ZSWIM5: variants seen among roughly 807,000 people sequenced by gnomAD.
The protein encoded by ZSWIM5 is zinc finger SWIM-type containing 5.
Under a neutral mutation model 119.6 loss-of-function variants are expected in ZSWIM5, and 55 were observed. The ratio of observed to expected loss-of-function variants is 0.46; its 90% CI spans 0.37 to 0.58. ZSWIM5 has a LOEUF of 0.58. Among genes scored for constraint, ZSWIM5 ranks in the 20% least tolerant of loss-of-function variants. The pLI, the probability that ZSWIM5 is intolerant of heterozygous loss-of-function variation, is 0.00. For missense variants in ZSWIM5, 1,193 were observed against 1,512.8 expected, an observed-to-expected ratio of 0.79 and a Z score of 3.51; for synonymous variants, 537 against 606.9, an observed-to-expected ratio of 0.88 and a Z score of 1.69.
intron 2 of ZSWIM5, among the ~76,000 whole-genome samples, chr1:45,068,107 C>CAT (rs1553191228): frequency 1.8e-5 from 2 of 113,288 alleles, no homozygotes; most frequent in Non-Finnish European, 3.4e-5. Flanking sequence ...TTTTTTTTTT[C>CAT]TTTTTTTTTT....
intron 1 of ZSWIM5, among the ~76,000 whole-genome samples, chr1:45,173,437 T>C (rs1326301464): frequency 3.3e-5 from 5 of 152,168 alleles, no homozygotes; most frequent in African/African-American, 1.2e-4. Context: ...AATTTTCTTA[T>C]AGACAGAAAA....
At chr1:45,146,361 T>C (rs1645759567) in intron 1 of ZSWIM5, among the ~76,000 whole-genome samples, 2 of 131,790 alleles carry the variant, frequency 1.5e-5, no homozygotes, top group Non-Finnish European at 3.3e-5. Context: ...CAAAAGCAAA[T>C]ATCATGTCAT....
At chr1:45,086,492 T>C (rs1049975335) in intron 2 of ZSWIM5, among the ~76,000 whole-genome samples, 24 of 152,186 alleles carry the variant, frequency 1.6e-4, no homozygotes, top group African/African-American at 5.8e-4. Flanking sequence ...CAAAGTAGTT[T>C]TGAAACCTAA....
intron 11 of ZSWIM5, among the ~76,000 whole-genome samples, chr1:45,022,021 C>A (rs369842306): frequency 5.4e-3 from 742 of 138,518 alleles, no homozygotes; most frequent in Middle Eastern, 7.8e-3. Context: ...GACTCCGTCT[C>A]AAAAAAAAAA....
At chr1:45,107,899 C>T (rs887231941) in intron 1 of ZSWIM5, among the ~76,000 whole-genome samples, 4 of 152,124 alleles carry the variant, frequency 2.6e-5, no homozygotes, top group African/African-American at 7.2e-5. Context: ...TTGGCTTAAG[C>T]GATCCTCCCA....
intron 5 of ZSWIM5, among the ~76,000 whole-genome samples, chr1:45,044,823 A>T (rs1487948358): frequency 9.4e-5 from 1 of 10,660 alleles, no homozygotes; most frequent in Non-Finnish European, 1.6e-4. Flanking sequence ...ATATATATAA[A>T]TATATATATA....
intron 2 of ZSWIM5, among the ~76,000 whole-genome samples, chr1:45,066,099 G>A (rs1009513662): frequency 2.8e-5 from 4 of 144,664 alleles, no homozygotes; most frequent in African/African-American, 5.2e-5. Flanking sequence ...ACCTATGAGT[G>A]AGAACATGTG....
chr1:45,064,578 G>T (rs2149002127), intron 2 of ZSWIM5, among the ~76,000 whole-genome samples: 1 of 152,284 alleles, frequency 6.6e-6, no homozygotes, highest in Non-Finnish European at 1.5e-5. Context: ...CTTTCTGTAT[G>T]CTAGAGGCAC....
chr1:45,073,681 A>G (rs1008814815), intron 2 of ZSWIM5, among the ~76,000 whole-genome samples: 2 of 151,824 alleles, frequency 1.3e-5, no homozygotes, highest in African/African-American at 4.9e-5. Context: ...TCTGCAAACG[A>G]GGATAATTTG....
intron 11 of ZSWIM5, among the ~76,000 whole-genome samples, chr1:45,026,367 A>G (rs906242143): frequency 6.6e-6 from 1 of 151,512 alleles, no homozygotes; most frequent in African/African-American, 2.4e-5. Context: ...GAAATTCTTT[A>G]TCAAGTTGAG....
chr1:45,111,423 C>T (rs532221848), intron 1 of ZSWIM5, among the ~76,000 whole-genome samples: 7 of 152,112 alleles, frequency 4.6e-5, no homozygotes, highest in African/African-American at 9.6e-5. Flanking sequence ...TGTGATGCAA[C>T]GGAATACACT....
intron 1 of ZSWIM5, among the ~76,000 whole-genome samples, chr1:45,115,854 G>A (rs923373426): frequency 2.0e-5 from 3 of 152,206 alleles, no homozygotes; most frequent in South Asian, 2.1e-4. Flanking sequence ...ACGGGGTGGC[G>A]GCCGGGCAGA....
chr1:45,146,725 T>TACAC (rs150690468), intron 1 of ZSWIM5, among the ~76,000 whole-genome samples: 2 of 151,178 alleles, frequency 1.3e-5, no homozygotes, highest in Admixed American at 1.3e-4. Context: ...CTTTATAGAC[T>TACAC]ACACACACAC....
In ZSWIM5 at chr1:45,018,249, T is replaced by C. The variant is rs1004813868; in HGVS notation, c.*205A>G. The C allele has an allele frequency of 1.5e-6, 1 of 649,440 alleles. No individual in the cohort carries two copies. The highest frequency in any genetic ancestry group is 1.8e-5 in the African/African-American group (1 of 54,832). The allele number at this position is 649,440 out of a possible 1,614,324, so 40.2% of individuals were successfully genotyped here. ...CGATCTGCAGGGCCCAGCTCCTCCA[T>C]GAACAGTAGGCTGTAGTCAGAAGCT... is the stretch of plus-strand genomic sequence containing the variant. On this transcript the variant is annotated 3_prime_UTR_variant, in exon 14 of 14. Coordinates refer to ENST00000359600, the MANE Select transcript of ZSWIM5 (RefSeq NM_020883.2). This position sits in a 1 kb window ranked among gnomAD's most constrained non-coding sequence, Gnocchi z 6.7.
chr1:45,100,058 C>T (rs147584572), intron 1 of ZSWIM5, among the ~76,000 whole-genome samples: 3,131 of 152,070 alleles, frequency 0.021, 113 homozygotes, highest in African/African-American at 0.072. Context: ...GGCAATCAGG[C>T]AAGAGAAAGA....
At chr1:45,162,471 T>A (rs1645869563) in intron 1 of ZSWIM5, among the ~76,000 whole-genome samples, 1 of 152,220 alleles carries the variant, frequency 6.6e-6, no homozygotes, top group Admixed American at 6.5e-5. Flanking sequence ...CACTGGGGCT[T>A]GTCAGACAGT....
chr1:45,105,595 C>G (rs1343260256), intron 1 of ZSWIM5, among the ~76,000 whole-genome samples: 2 of 144,824 alleles, frequency 1.4e-5, no homozygotes, highest in Non-Finnish European at 3.0e-5. Flanking sequence ...TCTGCCTGGC[C>G]GCCCCCTCTG....
chr1:45,087,870 T>G lies in ZSWIM5; in HGVS notation c.952+11A>C. On this transcript the variant is annotated intron_variant, in intron 2 of 13. Coordinates refer to ENST00000359600, the MANE Select transcript of ZSWIM5 (RefSeq NM_020883.2). ...AGACCTTTTTTTTCAATAAAAAAGT[T>G]GTACAATTACCATTCACTTGGTTGA... The G allele has an allele frequency of 6.4e-7, 1 of 1,574,044 alleles. No homozygotes were observed. Among genetic ancestry groups the G allele is most frequent in the South Asian group, 1.2e-5 (1 of 85,282 alleles).
At chr1:45,196,468 G>GC (rs946293373) in intron 1 of ZSWIM5, among the ~76,000 whole-genome samples, 3 of 133,100 alleles carry the variant, frequency 2.3e-5, no homozygotes, top group African/African-American at 5.6e-5. Context: ...TCGGCTCACT[G>GC]CAAGTTCCGC....
Sources: gnomAD v4.1 joint callset for allele counts (sites outside exome capture counted in the v4.1 genomes callset) on GRCh38, gnomAD v4.1.1 for gene constraint, Gnocchi (gnomAD v3.1) non-coding constraint, MANE v1.5 for transcripts, NCBI Gene and HGNC (gene_info 2026-07-23, HGNC 2026-07-21) for gene names.